Variants in XXYLT1 observed in about 807,000 individuals in gnomAD.
XXYLT1 encodes xyloside xylosyltransferase 1.
XXYLT1 carries 20 observed loss-of-function variants against 28.9 expected under a neutral mutation model. That is an observed-to-expected ratio of 0.69 (90% confidence interval 0.49 to 1.00). The LOEUF is 1.00. XXYLT1 is among the 50% of genes least tolerant of loss of function. The probability of loss-of-function intolerance (pLI) is 0.00; values close to 1 mark genes in which losing one functional copy is unlikely to be tolerated. For missense variants in XXYLT1, 542 were observed against 560.1 expected, an observed-to-expected ratio of 0.97 and a Z score of 0.33; for synonymous variants, 257 against 253.8, an observed-to-expected ratio of 1.01 and a Z score of -0.12.
intron 3 of XXYLT1, among the ~76,000 whole-genome samples, chr3:195,110,717 T>G (rs1717626424): frequency 8.8e-6 from 1 of 113,320 alleles, no homozygotes; most frequent in Non-Finnish European, 1.8e-5. Context: ...GTGTGTGTGG[T>G]GTGTGTGTGT....
intron 2 of XXYLT1, among the ~76,000 whole-genome samples, chr3:195,208,625 G>A (rs1723175537): frequency 6.6e-6 from 1 of 152,218 alleles, no homozygotes; most frequent in Non-Finnish European, 1.5e-5. Flanking sequence ...TTAGAAGGCA[G>A]CTGTAGAGAG....
intron 1 of XXYLT1, among the ~76,000 whole-genome samples, chr3:195,265,422 T>C (rs1427081001): frequency 1.3e-5 from 2 of 150,992 alleles, no homozygotes; most frequent in Non-Finnish European, 1.5e-5. Flanking sequence ...AAGGCTGGCA[T>C]GAGGCTTGCG....
chr3:195,080,002 G>T lies in XXYLT1; in HGVS notation c.786-9891C>A, dbSNP rs530826303. Among the ~76,000 whole-genome samples the T allele has an allele frequency of 2.8e-4, 42 of 152,240 alleles. 1 individual carries two copies. In the South Asian group the frequency reaches 8.5e-3, roughly 31 times the overall value. Reference sequence around the variant, plus strand: ...CCCCCAGAACTGTTAGTTTCAAATGGATGGATTAATGAAGGAAGGCATAAG... The same window carrying T: ...CCCCCAGAACTGTTAGTTTCAAATGTATGGATTAATGAAGGAAGGCATAAG... On this transcript the variant is annotated intron_variant, in intron 3 of 3. Transcript: ENST00000310380.
chr3:195,244,934 G>A (rs1223408400), intron 1 of XXYLT1, among the ~76,000 whole-genome samples: 3 of 149,832 alleles, frequency 2.0e-5, no homozygotes, highest in Admixed American at 6.6e-5. Flanking sequence ...GGGAGGCCAA[G>A]GTGGGTGGAT....
intron 3 of XXYLT1, among the ~76,000 whole-genome samples, chr3:195,149,624 G>A (rs980053522): frequency 3.9e-5 from 6 of 152,194 alleles, no homozygotes; most frequent in African/African-American, 1.4e-4. Flanking sequence ...CTCCTCTGCT[G>A]CAACTATACT....
intron 1 of XXYLT1, among the ~76,000 whole-genome samples, chr3:195,247,085 T>G (rs1319901647): frequency 6.6e-6 from 1 of 152,180 alleles, no homozygotes; most frequent in East Asian, 1.9e-4. Context: ...ATGTTTTGCT[T>G]TTTGACATTT....
Position 195,270,888 on chromosome 3 carries a change from C to A in XXYLT1, c.171G>T (p.Glu57Asp), listed in dbSNP as rs1306437233. 3.5e-6 allele frequency: 5 copies of A among 1,441,058 alleles called. No homozygotes were observed. Among genetic ancestry groups the A allele is most frequent in the Non-Finnish European group, 4.5e-6 (5 of 1,099,622 alleles). The allele number at this position is 1,441,058 out of a possible 1,614,324, so 89.3% of individuals were successfully genotyped here. ...GCGCGGCGGGAGCCCCGGCGCGGGCCTCCTTCAGCCTCTTGGTGGCGCTGG... is the reference window on the plus strand; with the variant it reads ...GCGCGGCGGGAGCCCCGGCGCGGGCATCCTTCAGCCTCTTGGTGGCGCTGG... ...TFSSATKRLKEARAGAPAAPS... is the reference protein window; with the variant it reads ...TFSSATKRLKDARAGAPAAPS... The change falls in exon 1 of 4, where the codon GAG (glutamate) becomes GAT (aspartate). Residue 57 changes from glutamate to aspartate, a missense_variant. Transcript: ENST00000310380.
chr3:195,239,441 G>A (rs1296264284), intron 1 of XXYLT1, among the ~76,000 whole-genome samples: 1 of 152,152 alleles, frequency 6.6e-6, no homozygotes, highest in African/African-American at 2.4e-5. Context: ...CACCTCGAGA[G>A]CTGCAAGAAG....
chr3:195,185,132 AG>A (rs1722136014), intron 2 of XXYLT1, among the ~76,000 whole-genome samples: 2 of 147,850 alleles, frequency 1.4e-5, no homozygotes, highest in Non-Finnish European at 3.0e-5. Context: ...GAAGGAAGGA[AG>A]GAAGGAAGGA....
rs1051163901 is a variant in XXYLT1, at chr3:195,076,156, G to A, written c.786-6045C>T. Among the ~76,000 whole-genome samples, 1 of 152,230 alleles carries A rather than the reference G, an allele frequency of 6.6e-6. No individual in the cohort carries two copies. Among genetic ancestry groups the A allele is most frequent in the Non-Finnish European group, 1.5e-5 (1 of 68,042 alleles). ...CTGGCATCTCTGCACCATCTGCACA[G>A]CCTGAGAGAACAGAGGTTCAGGGAA... On this transcript the variant is annotated intron_variant, in intron 3 of 3. Coordinates refer to ENST00000310380, the MANE Select transcript of XXYLT1 (RefSeq NM_152531.5). The surrounding 1 kb of genome is among the most constrained non-coding windows in gnomAD (Gnocchi z 5.3).
At position 195,070,052 on chromosome 3, in the gene XXYLT1, G is replaced by A. The variant is rs766217283; in HGVS notation, c.845C>T (p.Pro282Leu). ...NPQTRVGGPP[P>L]EGLPGFNSGV... ...GCTGTTGAAGCCCGGCAGCCCCTCGGGGGGCGGGCCCCCAACCCGGGTCTG... is the reference window on the plus strand; with the variant it reads ...GCTGTTGAAGCCCGGCAGCCCCTCGAGGGGCGGGCCCCCAACCCGGGTCTG... Residue 282 changes from proline (P) to leucine (L), a missense_variant, in exon 4 of 4, where the codon CCC becomes CTC. Physicochemically the swap from Pro to Leu is moderately conservative, Grantham distance 98 (BLOSUM62 -3). Coordinates refer to ENST00000310380, the MANE Select transcript of XXYLT1 (RefSeq NM_152531.5). 1 of 1,598,108 alleles carries A rather than the reference G, an allele frequency of 6.3e-7. No homozygotes were observed. Among genetic ancestry groups the A allele is most frequent in the Non-Finnish European group, 8.5e-7 (1 of 1,178,580 alleles).
At chr3:195,234,260 AG>A (rs199700591) in intron 1 of XXYLT1, among the ~76,000 whole-genome samples, 8,183 of 149,088 alleles carry the variant, frequency 0.055, 801 homozygotes, top group African/African-American at 0.19. Flanking sequence ...AAATCCATCA[AG>A]CTTTTGTTTG....
intron 2 of XXYLT1, among the ~76,000 whole-genome samples, chr3:195,157,325 G>A (rs947005447): frequency 6.7e-6 from 1 of 150,156 alleles, no homozygotes; most frequent in African/African-American, 2.5e-5. Context: ...ACCCACACAA[G>A]AGAGAAGTAA....
At chr3:195,083,984 C>T (rs1005372854) in intron 3 of XXYLT1, among the ~76,000 whole-genome samples, 1 of 152,100 alleles carries the variant, frequency 6.6e-6, no homozygotes, top group Non-Finnish European at 1.5e-5. Flanking sequence ...CGAGATTGCA[C>T]CACGGCACTC....
At chr3:195,108,338 A>C (rs1717262963) in intron 3 of XXYLT1, among the ~76,000 whole-genome samples, 1 of 152,264 alleles carries the variant, frequency 6.6e-6, no homozygotes, top group Admixed American at 6.5e-5. Flanking sequence ...GAACTTTCTC[A>C]AGAGCCTTTG....
Position 195,076,905 on chromosome 3 carries a change from GCAA to G in XXYLT1, c.786-6797_786-6795del, listed in dbSNP as rs1715153832. Among the ~76,000 whole-genome samples, 1 of 151,606 alleles carries G rather than the reference GCAA, an allele frequency of 6.6e-6. No individual in the cohort carries two copies. Among genetic ancestry groups the G allele is most frequent in the Non-Finnish European group, 1.5e-5 (1 of 67,614 alleles). On this transcript the variant is annotated intron_variant, in intron 3 of 3. Transcript: ENST00000310380. This position sits in a 1 kb window ranked among gnomAD's most constrained non-coding sequence, Gnocchi z 5.3. ...AACCTCATCTCAACTCTTTATATCTGCAACAACCCCATTCCCACAAAAGGTGAC... is the reference window on the plus strand; with the variant it reads ...AACCTCATCTCAACTCTTTATATCTGCAACCCCATTCCCACAAAAGGTGAC...
Position 195,145,635 on chromosome 3 carries a change from C to T in XXYLT1, c.785+10814G>A, listed in dbSNP as rs536640597. On this transcript the variant is annotated intron_variant, in intron 3 of 3. Coordinates refer to ENST00000310380, the MANE Select transcript of XXYLT1 (RefSeq NM_152531.5). ...TCACATGAACGGGCACCTCACTCCACGGTGACCGGCACTGATGGGGCCCTG... is the reference window on the plus strand; with the variant it reads ...TCACATGAACGGGCACCTCACTCCATGGTGACCGGCACTGATGGGGCCCTG... Among the ~76,000 whole-genome samples, 47 of 144,452 alleles carry T rather than the reference C, an allele frequency of 3.3e-4. No individual in the cohort carries two copies. In the East Asian group the frequency reaches 8.7e-3, roughly 27 times the overall value. The allele number at this position is 144,452 out of a possible 152,430, so 94.8% of individuals were successfully genotyped here.
chr3:195,110,502 G>T (rs111212018), intron 3 of XXYLT1, among the ~76,000 whole-genome samples: 56,995 of 102,056 alleles, frequency 0.56, 14,969 homozygotes, highest in Middle Eastern at 0.62. Context: ...ATGTGTGCAT[G>T]GTGTGTGGTG....
chr3:195,166,647 T>C (rs774204444), intron 2 of XXYLT1, among the ~76,000 whole-genome samples: 75 of 152,306 alleles, frequency 4.9e-4, no homozygotes, highest in Middle Eastern at 6.8e-3. Flanking sequence ...TTCCAGGACT[T>C]AGGACAATTT....
Sources: allele counts gnomAD v4.1 joint callset (sites outside exome capture counted in the v4.1 genomes callset), GRCh38; gene constraint gnomAD v4.1.1; non-coding constraint Gnocchi (gnomAD v3.1); transcripts MANE v1.5; gene names NCBI Gene and HGNC (gene_info 2026-07-23, HGNC 2026-07-21).